The following ZNF780B variants were observed in gnomAD, a reference collection of about 807,000 sequenced individuals.
ZNF780B encodes zinc finger protein 779.
A neutral mutation model predicts 74.1 loss-of-function variants in ZNF780B; 52 were observed. The ratio of observed to expected loss-of-function variants is 0.70; its 90% CI spans 0.56 to 0.88. ZNF780B has a LOEUF of 0.88. ZNF780B is among the 40% of genes least tolerant of loss of function. ZNF780B has a pLI of 0.00. For synonymous variants in ZNF780B, 315 were observed against 324.3 expected, an observed-to-expected ratio of 0.97 and a Z score of 0.31; for missense variants, 953 against 1,007.6, an observed-to-expected ratio of 0.95 and a Z score of 0.73.
intron 1 of ZNF780B, among the ~76,000 whole-genome samples, chr19:40,053,021 G>GTTGCGA (rs1973306104): frequency 6.6e-6 from 1 of 152,080 alleles, no homozygotes; most frequent in Non-Finnish European, 1.5e-5. Flanking sequence ...TCATGACATT[G>GTTGCGA]ATCTGGGCAA....
chr19:40,037,759 C>T (rs1476548761), intron 4 of ZNF780B, among the ~76,000 whole-genome samples: 1 of 152,090 alleles, frequency 6.6e-6, no homozygotes, highest in Admixed American at 6.6e-5. Flanking sequence ...TCTAACCACT[C>T]CCTCCTTTTA....
chr19:40,048,059 G>T (rs170900), intron 3 of ZNF780B, among the ~76,000 whole-genome samples: 43,688 of 152,120 alleles, frequency 0.29, 10,509 homozygotes, highest in African/African-American at 0.66. Context: ...AGTAACGGAA[G>T]GTCTGTCGAA....
In ZNF780B at chr19:40,034,185, G is replaced by A. The variant is rs889555463; in HGVS notation, c.*172C>T. On this transcript the variant is annotated 3_prime_UTR_variant, in exon 5 of 5. Coordinates refer to ENST00000434248, the MANE Select transcript of ZNF780B (RefSeq NM_001005851.3). Reference sequence around the variant, plus strand: ...TTTCCCACATTCTTCACATTGATATGGTTTCTCACCAGTATGAATTCTCTG... The same window carrying A: ...TTTCCCACATTCTTCACATTGATATAGTTTCTCACCAGTATGAATTCTCTG... 3.8e-5 allele frequency: 26 copies of A among 680,518 alleles called. No individual in the cohort carries two copies. Among genetic ancestry groups the A allele is most frequent in the Admixed American group, 1.0e-4 (4 of 38,768 alleles). 42.2% of individuals were successfully genotyped at this position (680,518 alleles called of 1,614,324 possible). A position where few individuals can be genotyped will look rare whatever the true frequency, so the allele number is the denominator to read the frequency against.
chr19:40,050,187 A>G (rs1185150427), intron 2 of ZNF780B, 137 bp downstream of exon 2: 1 of 911,328 alleles, frequency 1.1e-6, no homozygotes, highest in African/African-American at 2.2e-5. Flanking sequence ...ACAGAGCAAG[A>G]CTCCGTCTCA....
At position 40,033,740 on chromosome 19, in the gene ZNF780B, G is replaced by T. The variant is rs529414506; in HGVS notation, c.*617C>A. On this transcript the variant is annotated 3_prime_UTR_variant, in exon 5 of 5. Coordinates refer to ENST00000434248, the MANE Select transcript of ZNF780B (RefSeq NM_001005851.3). ...GCGTAAGCAGATCATTCACAGTAAGGGTTTGCTCACATTCTTTACATTCAT... is the reference window on the plus strand; with the variant it reads ...GCGTAAGCAGATCATTCACAGTAAGTGTTTGCTCACATTCTTTACATTCAT... 6.1e-6 allele frequency: 1 copy of T among 163,100 alleles called. No individual in the cohort carries two copies. The highest frequency in any genetic ancestry group is 2.4e-5 in the African/African-American group (1 of 41,604). The allele number at this position is 163,100 out of a possible 1,614,324, so 10.1% of individuals were successfully genotyped here.
chr19:40,036,679 A>G, intron 4 of ZNF780B, 53 bp from the exon 5 acceptor site: 1 of 1,136,954 alleles, frequency 8.8e-7, no homozygotes, highest in Non-Finnish European at 1.2e-6. Flanking sequence ...ACATACATGC[A>G]TACAAAATCC....
Position 40,047,358 on chromosome 19 carries a change from G to A in ZNF780B, c.232+17C>T. The A allele has an allele frequency of 1.3e-6, 2 of 1,597,996 alleles. No homozygotes were observed. Among genetic ancestry groups the A allele is most frequent in the Non-Finnish European group, 1.7e-6 (2 of 1,165,722 alleles). On this transcript the variant is annotated intron_variant, in intron 4 of 4. Transcript: ENST00000434248. ...GGACAATGATGGCTTCCCCCTGCCTGCTTTACTCTCACTTACCTGGATACC... is the reference window on the plus strand; with the variant it reads ...GGACAATGATGGCTTCCCCCTGCCTACTTTACTCTCACTTACCTGGATACC...
At position 40,035,820 on chromosome 19, in the gene ZNF780B, T is replaced by C; in HGVS notation, c.1039A>G (p.Lys347Glu). 6.2e-7 allele frequency: 1 copy of C among 1,613,680 alleles called. No individual in the cohort carries two copies. Among genetic ancestry groups the C allele is most frequent in the Non-Finnish European group, 8.5e-7 (1 of 1,179,874 alleles). ...TGAATCTTCTGATGTCGAACAAGCT[T>C]TGTCAGAAGAGTAAAGGCCTTTCTG... ...ECRKAFTLLT[K>E]LVRHQKIHMG... Residue 347 changes from lysine to glutamate, a missense_variant, in exon 5 of 5, where the codon AAG (lysine) becomes GAG (glutamate). Lys to Glu is a moderately conservative substitution (Grantham distance 56). Coordinates refer to ENST00000434248, the MANE Select transcript of ZNF780B (RefSeq NM_001005851.3).
Position 40,031,735 on chromosome 19 carries a change from A to G in ZNF780B, c.*2622T>C, listed in dbSNP as rs574994413. The G allele has an allele frequency of 4.5e-6, 1 of 224,588 alleles. No individual in the cohort carries two copies. The highest frequency in any genetic ancestry group is 2.3e-5 in the African/African-American group (1 of 44,038). 13.9% of individuals were successfully genotyped at this position (224,588 alleles called of 1,614,324 possible). The stretch of plus-strand genomic sequence containing the variant: ...ATATCACACAAGTTGAATTATGTTG[A>G]CGCTTTAATGGCATTCATTTCTCAA... On this transcript the variant is annotated 3_prime_UTR_variant, in exon 5 of 5. Transcript: ENST00000434248.
rs746754234 is a variant in ZNF780B at position 40,035,558 on chromosome 19, T to C, written c.1301A>G (p.Gln434Arg). The change falls in exon 5 of 5, where the codon CAG (glutamine) becomes CGG (arginine). Residue 434 changes from glutamine to arginine, a missense_variant. Transcript: ENST00000434248. The part of the protein sequence containing the change: ...KGFNRGANLI[Q>R]HQKIHSNEKP... ...CTCATTGGAATGAATTTTTTGATGC[T>C]GAATAAGATTTGCACCACGATTAAA... 5 of 1,613,512 alleles carry C rather than the reference T, an allele frequency of 3.1e-6. No homozygotes were observed. The highest frequency in any genetic ancestry group is 4.2e-6 in the Non-Finnish European group (5 of 1,179,880).
In ZNF780B at chr19:40,031,687, T is replaced by C. The variant is rs907679518; in HGVS notation, c.*2670A>G. ...CTATACAATCCAAAGGGTGCCAGTT[T>C]TGTACTGAGTACAGTGTCAGCCATA... On this transcript the variant is annotated 3_prime_UTR_variant, in exon 5 of 5. Transcript: ENST00000434248. The C allele has an allele frequency of 5.8e-6, 1 of 172,036 alleles. No individual in the cohort carries two copies. The highest frequency in any genetic ancestry group is 2.4e-5 in the African/African-American group (1 of 41,974). The allele number at this position is 172,036 out of a possible 1,614,324, so 10.7% of individuals were successfully genotyped here.
rs1972311645 is a variant in ZNF780B at position 40,036,332 on chromosome 19, C to T, written c.527G>A (p.Cys176Tyr). The T allele has an allele frequency of 1.2e-6, 2 of 1,613,732 alleles. No homozygotes were observed. Among genetic ancestry groups the T allele is most frequent in the Non-Finnish European group, 1.7e-6 (2 of 1,179,962 alleles). Residue 176 changes from cysteine (C) to tyrosine (Y), a missense_variant, in exon 5 of 5, where the codon TGT becomes TAT. Physicochemically the swap from Cys to Tyr is radical, Grantham distance 194. Coordinates refer to ENST00000434248, the MANE Select transcript of ZNF780B (RefSeq NM_001005851.3). ...CTGATGCTGAATAAGATTTGAACCA[C>T]AACTAAAGTATTTCCCACATTCCTT... is the stretch of plus-strand genomic sequence containing the variant. ...ECKECGKYFSCGSNLIQHQSI... is the reference protein window; with the variant it reads ...ECKECGKYFSYGSNLIQHQSI...
intron 3 of ZNF780B, 44 bp downstream of exon 3, chr19:40,048,626 T>C: frequency 3.1e-6 from 5 of 1,614,024 alleles, no homozygotes; most frequent in Non-Finnish European, 8.5e-7. Context: ...AAAGCTGATA[T>C]TCCAGAGAAC....
intron 4 of ZNF780B, among the ~76,000 whole-genome samples, chr19:40,042,731 G>A (rs200863820): frequency 2.0e-5 from 3 of 151,826 alleles, no homozygotes; most frequent in Admixed American, 6.6e-5. Context: ...TGTAGTTCTC[G>A]AGCCTTGGCT....
intron 4 of ZNF780B, among the ~76,000 whole-genome samples, chr19:40,044,559 C>T (rs420413): frequency 0.096 from 14,682 of 152,164 alleles, 2,095 homozygotes; most frequent in African/African-American, 0.31. Context: ...AATAGTCTTT[C>T]CCAGACAGCA....
At chr19:40,037,727 C>T (rs907610073) in intron 4 of ZNF780B, among the ~76,000 whole-genome samples, 3 of 152,154 alleles carry the variant, frequency 2.0e-5, no homozygotes, top group Non-Finnish European at 4.4e-5. Context: ...TATCAGGGCA[C>T]TGTCCTCCTT....
chr19:40,048,058 A>C (rs984369505), intron 3 of ZNF780B, among the ~76,000 whole-genome samples: 33 of 152,232 alleles, frequency 2.2e-4, no homozygotes, highest in Non-Finnish European at 4.3e-4. Flanking sequence ...AAGTAACGGA[A>C]GGTCTGTCGA....
At chr19:40,041,156 G>T (rs533636217) in intron 4 of ZNF780B, among the ~76,000 whole-genome samples, 1 of 152,080 alleles carries the variant, frequency 6.6e-6, no homozygotes, top group Non-Finnish European at 1.5e-5. Flanking sequence ...CCTTCATTTC[G>T]TTATGTACCC....
intron 4 of ZNF780B, among the ~76,000 whole-genome samples, chr19:40,037,430 T>C (rs116366215): frequency 0.017 from 2,548 of 152,126 alleles, 45 homozygotes; most frequent in East Asian, 0.049. Context: ...GTCTGGCTAA[T>C]TTTTACTTTA....
Sources: gnomAD v4.1 joint callset for allele counts (sites outside exome capture counted in the v4.1 genomes callset) on GRCh38, gnomAD v4.1.1 for gene constraint, MANE v1.5 for transcripts, NCBI Gene and HGNC (gene_info 2026-07-23, HGNC 2026-07-21) for gene names.